Variants in PTP4A1 observed in about 807,000 individuals in gnomAD.
PTP4A1 encodes protein tyrosine phosphatase 4A1.
In PTP4A1, 9 loss-of-function variants were observed where a neutral mutation model predicts 20.5. That is an observed-to-expected ratio of 0.44 (90% CI 0.26 to 0.77). The LOEUF (loss-of-function observed/expected upper bound fraction) is 0.77, where lower values mean the gene tolerates loss of function less well. Among genes scored for constraint, PTP4A1 ranks in the 30% least tolerant of loss-of-function variants. PTP4A1 has a pLI of 0.19. For missense variants in PTP4A1, 137 were observed against 218.8 expected, an observed-to-expected ratio of 0.63 and a Z score of 2.36; for synonymous variants, 78 against 67.4, an observed-to-expected ratio of 1.16 and a Z score of -0.77.
upstream of PTP4A1, among the ~76,000 whole-genome samples, chr6:63,517,171 ATAT>A (rs1209336944): frequency 6.6e-6 from 1 of 152,178 alleles, no homozygotes; most frequent in African/African-American, 2.4e-5. Context: ...AACAAGGATA[ATAT>A]TATGGTCTAA....
intron 2 of PTP4A1, among the ~76,000 whole-genome samples, chr6:63,545,610 C>CA (rs759062646): frequency 4.2e-4 from 59 of 141,986 alleles, no homozygotes; most frequent in Admixed American, 6.4e-4. Context: ...GACTCTGTCT[C>CA]AAAAAAAAAA....
chr6:63,520,186 A>C (rs753576777), upstream of PTP4A1, among the ~76,000 whole-genome samples: 2 of 152,178 alleles, frequency 1.3e-5, no homozygotes, highest in Non-Finnish European at 1.5e-5. Flanking sequence ...TTTTAACTTC[A>C]GTCTTCATTG....
At chr6:63,532,080 T>G (rs1201822888) in intron 2 of PTP4A1, among the ~76,000 whole-genome samples, 1 of 152,214 alleles carries the variant, frequency 6.6e-6, no homozygotes, top group Non-Finnish European at 1.5e-5. Flanking sequence ...ATTACAGGCG[T>G]GAGCCACCAC....
chr6:63,563,057 C>G (rs756602995), intron 3 of PTP4A1, among the ~76,000 whole-genome samples: 1 of 152,220 alleles, frequency 6.6e-6, no homozygotes, highest in Non-Finnish European at 1.5e-5. Flanking sequence ...CCACTTTTCT[C>G]TGCCTCCACT....
At chr6:63,540,784 A>G (rs980523726) in intron 2 of PTP4A1, among the ~76,000 whole-genome samples, 1 of 151,758 alleles carries the variant, frequency 6.6e-6, no homozygotes, top group African/African-American at 2.4e-5. Context: ...AGAAATAGCA[A>G]ATAGGACCCC....
In PTP4A1 at chr6:63,576,948, ACAATC is replaced by A. The variant is rs1474846030; in HGVS notation, c.72_76del (p.Pro25GlnfsTer12). On this transcript the variant is annotated frameshift_variant, in exon 2 of 6. Coordinates refer to ENST00000626021, the MANE Select transcript of PTP4A1 (RefSeq NM_003463.5). LOFTEE classifies it high-confidence loss of function. ...AAGAACATGAGATTTCTTATTACAC[ACAATC>A]CAACCAATGCGACCTTAAACAAATT... 6.2e-7 allele frequency: 1 copy of A among 1,614,102 alleles called. No homozygotes were observed. The highest frequency in any genetic ancestry group is 1.1e-5 in the South Asian group (1 of 91,076).
chr6:63,517,370 G>A (rs1774765474), upstream of PTP4A1, among the ~76,000 whole-genome samples: 1 of 152,032 alleles, frequency 6.6e-6, no homozygotes, highest in African/African-American at 2.4e-5. Flanking sequence ...AATCCCCATG[G>A]TAACCACATA....
upstream of PTP4A1, among the ~76,000 whole-genome samples, chr6:63,517,629 C>T (rs1040778859): frequency 5.9e-5 from 9 of 152,092 alleles, no homozygotes; most frequent in Admixed American, 1.3e-4. Flanking sequence ...TATCAACACA[C>T]ACACACATGC....
intron 2 of PTP4A1, among the ~76,000 whole-genome samples, chr6:63,534,563 G>A (rs536332374): frequency 2.6e-5 from 4 of 151,822 alleles, no homozygotes; most frequent in East Asian, 1.9e-4. Flanking sequence ...GTCTATAATC[G>A]CAGCTATGCA....
At chr6:63,544,719 T>C (rs934523072) in intron 2 of PTP4A1, among the ~76,000 whole-genome samples, 1 of 152,168 alleles carries the variant, frequency 6.6e-6, no homozygotes, top group Non-Finnish European at 1.5e-5. Context: ...TTCTGATGTT[T>C]CCTCATGATT....
At chr6:63,526,800 A>AATGTATATATATATAT in intron 1 of PTP4A1, among the ~76,000 whole-genome samples, 2 of 82,486 alleles carry the variant, frequency 2.4e-5, no homozygotes, top group South Asian at 7.5e-4. Context: ...CTATCTCAAA[A>AATGTATATATATATAT]ATGTATATAT....
intron 3 of PTP4A1, among the ~76,000 whole-genome samples, chr6:63,566,836 A>G (rs1281048079): frequency 6.6e-6 from 1 of 152,200 alleles, no homozygotes; most frequent in Non-Finnish European, 1.5e-5. Context: ...CAAAGTTGCA[A>G]TCAGTCCTCT....
Position 63,582,163 on chromosome 6 carries a change from T to G in PTP4A1, c.*1989T>G, listed in dbSNP as rs1429502649. The G allele has an allele frequency of 6.6e-6, 1 of 152,072 alleles. No homozygotes were observed. Among genetic ancestry groups the G allele is most frequent in the Non-Finnish European group, 1.5e-5 (1 of 67,952 alleles). The allele number at this position is 152,072 out of a possible 1,614,324, so 9.4% of individuals were successfully genotyped here. A position where few individuals can be genotyped will look rare whatever the true frequency, so the allele number is the denominator to read the frequency against. On this transcript the variant is annotated 3_prime_UTR_variant, in exon 6 of 6. Transcript: ENST00000626021. ...GATTATTTGTGATAGTAATCACAAA[T>G]TTTTGGCTAATTTTTAACCTGAGGT...
At chr6:63,553,665 T>C (rs1003094738) in intron 3 of PTP4A1, among the ~76,000 whole-genome samples, 6 of 152,198 alleles carry the variant, frequency 3.9e-5, no homozygotes, top group African/African-American at 1.4e-4. Flanking sequence ...TTGATTGCAT[T>C]ATCACTGATT....
chr6:63,543,219 T>C (rs1254787624), intron 2 of PTP4A1, among the ~76,000 whole-genome samples: 1 of 152,218 alleles, frequency 6.6e-6, no homozygotes, highest in Non-Finnish European at 1.5e-5. Context: ...GTTTTAAAAC[T>C]GAAAGTTCCT....
intron 3 of PTP4A1, among the ~76,000 whole-genome samples, chr6:63,562,457 C>T (rs1777005670): frequency 6.6e-6 from 1 of 152,146 alleles, no homozygotes; most frequent in Non-Finnish European, 1.5e-5. Context: ...TCTTGGCCTC[C>T]CAAAGTGCTG....
At chr6:63,555,009 T>C (rs773082766) in intron 3 of PTP4A1, among the ~76,000 whole-genome samples, 3 of 151,946 alleles carry the variant, frequency 2.0e-5, no homozygotes, top group African/African-American at 4.8e-5. Context: ...TCTGATAACA[T>C]GTGGCTGATA....
Position 63,580,140 on chromosome 6 carries a change from C to A in PTP4A1, c.488C>A (p.Ser163Tyr), listed in dbSNP as rs1778132300. The stretch of plus-strand genomic sequence containing the variant: ...AAAATGCGGCTGCGTTTCAAAGATT[C>A]CAACGGTCATAGAAACAACTGTTGC... Reference protein sequence around the residue: ...RPKMRLRFKDSNGHRNNCCIQ With the variant: ...RPKMRLRFKDYNGHRNNCCIQ The change falls in exon 6 of 6, where the codon TCC (serine) becomes TAC (tyrosine). Residue 163 changes from serine (S) to tyrosine (Y), a missense_variant. By Grantham distance (144) the Ser-to-Tyr change is moderately radical. Coordinates refer to ENST00000626021, the MANE Select transcript of PTP4A1 (RefSeq NM_003463.5). 6.2e-7 allele frequency: 1 copy of A among 1,612,868 alleles called. No individual in the cohort carries two copies. The highest frequency in any genetic ancestry group is 2.2e-5 in the East Asian group (1 of 44,854).
intron 3 of PTP4A1, among the ~76,000 whole-genome samples, chr6:63,555,708 T>G (rs1242914536): frequency 6.6e-6 from 1 of 151,578 alleles, no homozygotes; most frequent in African/African-American, 2.4e-5. Flanking sequence ...TTTTTTTTTT[T>G]TTTGAGACGG....
Sources: allele counts gnomAD v4.1 joint callset (sites outside exome capture counted in the v4.1 genomes callset), GRCh38; gene constraint gnomAD v4.1.1; transcripts MANE v1.5; gene names NCBI Gene and HGNC (gene_info 2026-07-23, HGNC 2026-07-21).